GRAMD1B: variants seen among roughly 807,000 people sequenced by gnomAD.
The protein encoded by GRAMD1B is protein Aster-B.
A neutral mutation model predicts 99.7 loss-of-function variants in GRAMD1B; 37 were observed. The ratio of observed to expected loss-of-function variants is 0.37; its 90% CI spans 0.29 to 0.49. GRAMD1B has a LOEUF of 0.49. Ranked by LOEUF, GRAMD1B falls within the 20% of genes least tolerant of loss-of-function variation. The pLI is 0.98. For missense variants in GRAMD1B, 888 were observed against 1,009.2 expected (o/e 0.88, Z 1.63); for synonymous variants, 427 against 387.6 (o/e 1.10, Z -1.19).
Position 123,538,294 on chromosome 11 carries a change from GT to G in GRAMD1B, c.453-39070del, listed in dbSNP as rs1944164168. On this transcript the variant is annotated intron_variant, in intron 2 of 19. Coordinates refer to ENST00000635736, the MANE Select transcript of GRAMD1B (RefSeq NM_001387025.1). ...GTGTCTCCCTGACTTATACTACTCT[GT>G]TTCCTTAGACTCTTGCCACCTTCCT... Among the ~76,000 whole-genome samples the G allele has an allele frequency of 2.6e-5, 4 of 152,094 alleles. No individual in the cohort carries two copies. In the Middle Eastern group the frequency reaches 0.01, roughly 388 times the overall value.
At position 123,624,939 on chromosome 11, in the gene GRAMD1B, A is replaced by G. The variant is rs992130389; in HGVS notation, c.*2344A>G. ...CAGAGAGGGCAGTACTGAGTATGTCAGAAGAGCCCTCCTGGTTTTTTAGCG... is the reference window on the plus strand; with the variant it reads ...CAGAGAGGGCAGTACTGAGTATGTCGGAAGAGCCCTCCTGGTTTTTTAGCG... On this transcript the variant is annotated 3_prime_UTR_variant, in exon 20 of 20. Coordinates refer to ENST00000635736, the MANE Select transcript of GRAMD1B (RefSeq NM_001387025.1). The G allele has an allele frequency of 1.3e-5, 2 of 152,202 alleles. No individual in the cohort carries two copies. The highest frequency in any genetic ancestry group is 4.8e-5 in the African/African-American group (2 of 41,454). 9.4% of individuals were successfully genotyped at this position (152,202 alleles called of 1,614,324 possible).
At chr11:123,589,194 C>T (rs887297412) in intron 4 of GRAMD1B, among the ~76,000 whole-genome samples, 1 of 151,650 alleles carries the variant, frequency 6.6e-6, no homozygotes, top group East Asian at 2.0e-4. Flanking sequence ...TCAACCTGTC[C>T]TTGAAACATA....
intron 3 of GRAMD1B, among the ~76,000 whole-genome samples, chr11:123,580,773 C>G (rs1472119460): frequency 6.6e-6 from 1 of 152,212 alleles, no homozygotes; most frequent in Non-Finnish European, 1.5e-5. Flanking sequence ...CTGCCGCTCT[C>G]CCACCTGCCC....
intron 1 of GRAMD1B, among the ~76,000 whole-genome samples, chr11:123,398,191 T>C (rs1947535001): frequency 6.6e-6 from 1 of 152,212 alleles, no homozygotes; most frequent in African/African-American, 2.4e-5. Flanking sequence ...TCTCTTACCA[T>C]GACAGAATAC....
rs531492789 is a variant in GRAMD1B at position 123,391,347 on chromosome 11, C to T, written c.-176+32548C>T. Among the ~76,000 whole-genome samples the T allele has an allele frequency of 5.3e-5, 8 of 152,282 alleles. No homozygotes were observed. In the South Asian group the frequency reaches 1.7e-3, roughly 32 times the overall value. ...CTAATCTTCTCTTGCTTTCTCAGAC[C>T]TTGTATAATCTATTGTTCCTTATAT... On this transcript the variant is annotated intron_variant, in intron 1 of 20. Transcript: ENST00000638157.
At chr11:123,466,636 A>G (rs1300872515) in intron 1 of GRAMD1B, among the ~76,000 whole-genome samples, 1 of 152,122 alleles carries the variant, frequency 6.6e-6, no homozygotes, top group Non-Finnish European at 1.5e-5. Context: ...GATTTTCCAC[A>G]GGCAGGAAGG....
chr11:123,573,919 C>T (rs1252370590), intron 2 of GRAMD1B, among the ~76,000 whole-genome samples: 2 of 152,188 alleles, frequency 1.3e-5, no homozygotes, highest in South Asian at 4.1e-4. Flanking sequence ...CCTGCTGGGT[C>T]GTGTGGGGCG....
intron 2 of GRAMD1B, among the ~76,000 whole-genome samples, chr11:123,517,994 G>A (rs940257531): frequency 6.6e-6 from 1 of 152,144 alleles, no homozygotes; most frequent in African/African-American, 2.4e-5. Flanking sequence ...GGATAAACCA[G>A]GAGGAGCCAC....
chr11:123,385,772 C>T (rs909403600), intron 1 of GRAMD1B, among the ~76,000 whole-genome samples: 1 of 152,162 alleles, frequency 6.6e-6, no homozygotes, highest in Non-Finnish European at 1.5e-5. Flanking sequence ...AACTGAATTA[C>T]AACTTTAACC....
At chr11:123,430,119 C>T (rs934246779), upstream of GRAMD1B, among the ~76,000 whole-genome samples, 1 of 152,094 alleles carries the variant, frequency 6.6e-6, no homozygotes, top group Non-Finnish European at 1.5e-5. Context: ...ACTTGGAGGT[C>T]GAGTCCCTCC....
At chr11:123,515,337 A>G (rs1941570523) in intron 2 of GRAMD1B, among the ~76,000 whole-genome samples, 1 of 152,198 alleles carries the variant, frequency 6.6e-6, no homozygotes, top group African/African-American at 2.4e-5. Context: ...AGGGAGTGGT[A>G]CTGGTTGAGC....
intron 2 of GRAMD1B, among the ~76,000 whole-genome samples, chr11:123,508,361 C>T (rs990881710): frequency 1.3e-5 from 2 of 152,200 alleles, no homozygotes; most frequent in African/African-American, 4.8e-5. Flanking sequence ...ATCAAACCAT[C>T]CATGAGGGCC....
intron 8 of GRAMD1B, 28 bp from the exon 9 acceptor site, chr11:123,603,398 G>A (rs1421248513): frequency 1.4e-6 from 2 of 1,384,022 alleles, no homozygotes; most frequent in Admixed American, 3.4e-5. Context: ...AGGGAGCAAG[G>A]CTCAGTCGTT....
intron 2 of GRAMD1B, among the ~76,000 whole-genome samples, chr11:123,501,496 C>G (rs1389202022): frequency 6.6e-6 from 1 of 152,186 alleles, no homozygotes; most frequent in Non-Finnish European, 1.5e-5. Context: ...ACTTGCAATA[C>G]TCTTACTTCT....
rs375664829 is a variant in GRAMD1B, at chr11:123,610,371, C to T, written c.1919+33C>T. ...GTGTGGAAGTCCCAGTGCGGTCAGA[C>T]GGGGGTCCTTACCTTAGAGAACATT... is the stretch of plus-strand genomic sequence containing the variant. On this transcript the variant is annotated intron_variant, in intron 14 of 19. Coordinates refer to ENST00000635736, the MANE Select transcript of GRAMD1B (RefSeq NM_001387025.1). This position sits in a 1 kb window ranked among gnomAD's most constrained non-coding sequence, Gnocchi z 4.1. 2.7e-5 allele frequency: 44 copies of T among 1,609,204 alleles called. No individual in the cohort carries two copies. In the African/African-American group the frequency reaches 3.1e-4, roughly 11 times the overall value.
chr11:123,413,347 C>G (rs1212589963), intron 1 of GRAMD1B, among the ~76,000 whole-genome samples: 2 of 152,150 alleles, frequency 1.3e-5, no homozygotes, highest in African/African-American at 4.8e-5. Context: ...AGATTAGGGG[C>G]TCTCTGCTTT....
chr11:123,489,291 C>T (rs1458116271), intron 2 of GRAMD1B, among the ~76,000 whole-genome samples: 1 of 152,118 alleles, frequency 6.6e-6, no homozygotes, highest in Non-Finnish European at 1.5e-5. Flanking sequence ...GTGAACTACT[C>T]ATGGAGTGTG....
intron 7 of GRAMD1B, chr11:123,597,920 A>T: frequency 9.7e-7 from 1 of 1,032,452 alleles, no homozygotes; most frequent in Non-Finnish European, 1.5e-6. Context: ...GCTAGCCCCA[A>T]AGCTGAGCTA....
At chr11:123,580,901 C>CT (rs34166213) in intron 3 of GRAMD1B, among the ~76,000 whole-genome samples, 22,132 of 142,420 alleles carry the variant, frequency 0.16, 2,053 homozygotes, top group East Asian at 0.25. Flanking sequence ...TTTGACTTTC[C>CT]TTTTTTTTTT....
Sources: allele counts gnomAD v4.1 joint callset (sites outside exome capture counted in the v4.1 genomes callset), GRCh38; gene constraint gnomAD v4.1.1; non-coding constraint Gnocchi (gnomAD v3.1); transcripts MANE v1.5; gene names NCBI Gene and HGNC (gene_info 2026-07-23, HGNC 2026-07-21).